The following MARCHF1 variants were observed in gnomAD, a reference collection of about 807,000 sequenced individuals.
The protein encoded by MARCHF1 is membrane associated ring-CH-type finger 1.
A neutral mutation model predicts 54.2 loss-of-function variants in MARCHF1; 40 were observed. The ratio of observed to expected loss-of-function variants is 0.74; its 90% CI spans 0.57 to 0.96. MARCHF1 has a LOEUF of 0.96. Ranked by LOEUF, MARCHF1 falls within the 40% of genes least tolerant of loss-of-function variation. The pLI, the probability that MARCHF1 is intolerant of heterozygous loss-of-function variation, is 0.00. For synonymous variants in MARCHF1, 236 were observed against 236.3 expected (o/e 1.00, Z 0.01); for missense variants, 586 against 656.5 (o/e 0.89, Z 1.17).
chr4:163,860,941 A>G lies in MARCHF1; in HGVS notation c.-38-6772T>C, dbSNP rs1360169930. ...AACAAAAAATTACGAAGCATGCTAGAAAGCTGGCAAAAACAGTGAAGAGAT... is the reference window on the plus strand; with the variant it reads ...AACAAAAAATTACGAAGCATGCTAGGAAGCTGGCAAAAACAGTGAAGAGAT... On this transcript the variant is annotated intron_variant, in intron 3 of 9. Coordinates refer to ENST00000514618, the MANE Select transcript of MARCHF1 (RefSeq NM_001394959.1). Among the ~76,000 whole-genome samples the G allele has an allele frequency of 2.6e-5, 4 of 152,224 alleles. No individual in the cohort carries two copies. In the East Asian group the frequency reaches 7.7e-4, roughly 29 times the overall value.
chr4:163,904,212 T>C, intron 3 of MARCHF1, among the ~76,000 whole-genome samples: 1 of 152,190 alleles, frequency 6.6e-6, no homozygotes, highest in East Asian at 1.9e-4. Flanking sequence ...AATTAAGCCT[T>C]GAAGTCTCAT....
At chr4:164,293,811 C>T (rs1004560571) in intron 1 of MARCHF1, among the ~76,000 whole-genome samples, 2 of 152,200 alleles carry the variant, frequency 1.3e-5, no homozygotes, top group African/African-American at 4.8e-5. Context: ...TGTGCCTATG[C>T]AGCATTACAA....
chr4:163,721,242 T>A (rs1337096355), intron 4 of MARCHF1, among the ~76,000 whole-genome samples: 2 of 152,150 alleles, frequency 1.3e-5, no homozygotes, highest in Non-Finnish European at 2.9e-5. Context: ...GCATGAAGGG[T>A]TGTTGAATTT....
intron 1 of MARCHF1, among the ~76,000 whole-genome samples, chr4:164,272,369 C>T (rs1381024295): frequency 1.3e-5 from 2 of 151,942 alleles, no homozygotes; most frequent in East Asian, 3.9e-4. Context: ...ACCCAATTTT[C>T]CAGCAAAAAA....
chr4:163,664,305 A>C (rs1455617042), intron 5 of MARCHF1, among the ~76,000 whole-genome samples: 1 of 152,058 alleles, frequency 6.6e-6, no homozygotes, highest in African/African-American at 2.4e-5. Context: ...AGATCAAGTT[A>C]ATGAAAAGAT....
intron 7 of MARCHF1, among the ~76,000 whole-genome samples, chr4:163,597,569 C>T (rs6536740): frequency 0.91 from 138,157 of 152,252 alleles, 62,677 homozygotes; most frequent in Admixed American, 0.93. Context: ...CAGTTGTTTA[C>T]ATTAAAATGT....
At chr4:163,768,252 C>G (rs1478911677) in intron 4 of MARCHF1, among the ~76,000 whole-genome samples, 1 of 152,092 alleles carries the variant, frequency 6.6e-6, no homozygotes, top group Non-Finnish European at 1.5e-5. Context: ...AGTTGGAGAT[C>G]CTCACTCCAA....
intron 2 of MARCHF1, among the ~76,000 whole-genome samples, chr4:164,101,555 C>T (rs1160858773): frequency 2.3e-5 from 3 of 130,382 alleles, no homozygotes; most frequent in East Asian, 4.1e-4. Flanking sequence ...TGAGGGTCCT[C>T]TCTGTTAGAA....
chr4:163,894,085 T>C (rs1292850561), intron 3 of MARCHF1, among the ~76,000 whole-genome samples: 8 of 152,152 alleles, frequency 5.3e-5, no homozygotes, highest in Non-Finnish European at 1.0e-4. Context: ...TGAAGCAGCA[T>C]AAAATGATGA....
In MARCHF1 at chr4:163,840,104, A is replaced by C. The variant is rs139571398; in HGVS notation, c.111+13917T>G. Among the ~76,000 whole-genome samples the C allele has an allele frequency of 4.4e-3, 672 of 152,306 alleles. 7 individuals carry two copies. The highest frequency in any genetic ancestry group is 0.015 in the African/African-American group (642 of 41,582). Reference sequence around the variant, plus strand: ...TGCTAATAAATTTGACAATCTAATTATCATTTGGATGAAACAGAGATGGCT... The same window carrying C: ...TGCTAATAAATTTGACAATCTAATTCTCATTTGGATGAAACAGAGATGGCT... On this transcript the variant is annotated intron_variant, in intron 4 of 9. Transcript: ENST00000514618.
intron 4 of MARCHF1, among the ~76,000 whole-genome samples, chr4:163,763,063 A>G (rs1746872621): frequency 6.6e-6 from 1 of 152,110 alleles, no homozygotes; most frequent in Non-Finnish European, 1.5e-5. Context: ...ACGTGTAGTA[A>G]AAGAGAAACC....
intron 8 of MARCHF1, among the ~76,000 whole-genome samples, chr4:163,582,035 C>G (rs895811281): frequency 1.4e-4 from 21 of 152,156 alleles, no homozygotes; most frequent in Admixed American, 1.2e-3. Flanking sequence ...TATTTGCTAT[C>G]CTCATAAACT....
intron 4 of MARCHF1, among the ~76,000 whole-genome samples, chr4:163,748,422 A>AG (rs1746423575): frequency 6.6e-6 from 1 of 151,760 alleles, no homozygotes; most frequent in Admixed American, 6.6e-5. Flanking sequence ...AAAAAAAAAA[A>AG]AGATCCCACA....
chr4:163,840,176 T>C (rs994953022), intron 4 of MARCHF1, among the ~76,000 whole-genome samples: 7 of 152,292 alleles, frequency 4.6e-5, no homozygotes, highest in Middle Eastern at 6.8e-3. Context: ...AAATAAATTA[T>C]GCCTTTTACA....
chr4:164,186,481 G>C (rs1432735524), intron 1 of MARCHF1, among the ~76,000 whole-genome samples: 1 of 152,146 alleles, frequency 6.6e-6, no homozygotes, highest in Non-Finnish European at 1.5e-5. Flanking sequence ...TGCACTCTAT[G>C]AGCCAGTGCA....
chr4:164,035,876 T>C (rs1009342852), intron 2 of MARCHF1, among the ~76,000 whole-genome samples: 1 of 145,446 alleles, frequency 6.9e-6, no homozygotes, highest in Admixed American at 6.9e-5. Context: ...AGGACAGGAG[T>C]TCTAGACCAG....
intron 3 of MARCHF1, among the ~76,000 whole-genome samples, chr4:163,937,897 A>G (rs986680726): frequency 6.6e-6 from 1 of 152,188 alleles, no homozygotes; most frequent in Non-Finnish European, 1.5e-5. Flanking sequence ...AAAAATAGTG[A>G]AAGATGTGAC....
At chr4:163,533,659 CA>C (rs1245036562) in intron 9 of MARCHF1, among the ~76,000 whole-genome samples, 1 of 142,046 alleles carries the variant, frequency 7.0e-6, no homozygotes, top group Admixed American at 7.2e-5. Flanking sequence ...AAATCTGCTC[CA>C]AAAATAGTCT....
chr4:163,699,790 T>C (rs1579206780), intron 5 of MARCHF1, among the ~76,000 whole-genome samples: 1 of 152,146 alleles, frequency 6.6e-6, no homozygotes, highest in African/African-American at 2.4e-5. Context: ...TCTAAATTAC[T>C]TTTCACTTCC....
Sources: allele counts gnomAD v4.1 joint callset (sites outside exome capture counted in the v4.1 genomes callset), GRCh38; gene constraint gnomAD v4.1.1; transcripts MANE v1.5; gene names NCBI Gene and HGNC (gene_info 2026-07-23, HGNC 2026-07-21).